ANXA1: variants seen among roughly 807,000 people sequenced by gnomAD.
ANXA1 encodes annexin I (lipocortin I).
Under a neutral mutation model 47.9 loss-of-function variants are expected in ANXA1, and 39 were observed. The observed-to-expected ratio is 0.81, with a 90% CI of 0.63 to 1.06. The LOEUF (loss-of-function observed/expected upper bound fraction) is 1.06. Among genes scored for constraint, ANXA1 ranks in the 50% least tolerant of loss-of-function variants. ANXA1 has a pLI of 0.00. For missense variants in ANXA1, 446 were observed against 422.7 expected (o/e 1.06, Z -0.48); for synonymous variants, 146 against 142.5 (o/e 1.02, Z -0.17).
intron 8 of ANXA1, 37 bp from the exon 9 acceptor site, chr9:73,165,079 C>G: frequency 6.7e-7 from 1 of 1,502,278 alleles, no homozygotes; most frequent in Non-Finnish European, 9.3e-7. Context: ...ATCATTTCAG[C>G]AGATAGTGAA....
chr9:73,158,166 T>G, intron 1 of ANXA1: 1 of 225,952 alleles, frequency 4.4e-6, no homozygotes, highest in South Asian at 6.2e-5. Context: ...GTACTCTTAG[T>G]GCTTGGCATA....
intron 1 of ANXA1, chr9:73,154,414 C>A (rs1442834334): frequency 3.0e-5 from 37 of 1,251,050 alleles, no homozygotes; most frequent in Non-Finnish European, 3.9e-5. Flanking sequence ...CCTTCTCTTT[C>A]TTTTCTTTTT....
chr9:73,169,268 A>T, intron 12 of ANXA1, 114 bp downstream of exon 12: 1 of 1,195,596 alleles, frequency 8.4e-7, no homozygotes, highest in South Asian at 1.7e-5. Flanking sequence ...AGATTAATTT[A>T]ATATATTATG....
intron 9 of ANXA1, 31 bp downstream of exon 9, chr9:73,165,240 T>C (rs1453623819): frequency 3.2e-6 from 5 of 1,560,544 alleles, no homozygotes; most frequent in Non-Finnish European, 3.5e-6. Context: ...CTGGAATCTG[T>C]TTATGGAAGA....
chr9:73,165,237 C>T, intron 9 of ANXA1, 28 bp downstream of exon 9: 1 of 1,581,342 alleles, frequency 6.3e-7, no homozygotes, highest in Non-Finnish European at 8.7e-7. Context: ...TTTCTGGAAT[C>T]TGTTTATGGA....
chr9:73,154,404 C>T (rs758690620), intron 1 of ANXA1: 10 of 1,271,464 alleles, frequency 7.9e-6, no homozygotes, highest in African/African-American at 1.5e-5. Flanking sequence ...TCCCTCCCTC[C>T]CTTCTCTTTC....
chr9:73,159,091 C>A (rs1824096200), intron 3 of ANXA1, among the ~76,000 whole-genome samples: 1 of 152,198 alleles, frequency 6.6e-6, no homozygotes, highest in African/African-American at 2.4e-5. Flanking sequence ...GTATCAAACA[C>A]TGCAACACTG....
chr9:73,162,904 G>T (rs1226050242), intron 7 of ANXA1, 43 bp downstream of exon 7: 4 of 1,484,134 alleles, frequency 2.7e-6, no homozygotes, highest in Non-Finnish European at 3.7e-6. Flanking sequence ...GTTTTATAAA[G>T]ACTAATTTCT....
chr9:73,169,262 T>G (rs1258067005), intron 12 of ANXA1, 108 bp downstream of exon 12: 31 of 1,213,622 alleles, frequency 2.6e-5, no homozygotes, highest in Non-Finnish European at 3.1e-5. Flanking sequence ...TATGTAAGAT[T>G]AATTTAATAT....
intron 6 of ANXA1, 34 bp from the exon 7 acceptor site, chr9:73,162,748 G>C: frequency 6.6e-7 from 1 of 1,513,300 alleles, no homozygotes. Context: ...TTCATCACTG[G>C]TTTACTATAA....
At chr9:73,166,813 C>T (rs914083196) in intron 10 of ANXA1, among the ~76,000 whole-genome samples, 5 of 152,056 alleles carry the variant, frequency 3.3e-5, no homozygotes, top group Non-Finnish European at 5.9e-5. Flanking sequence ...CTAACAAGCT[C>T]CCCATTGATG....
Position 73,165,156 on chromosome 9 carries a change from T to C in ANXA1, c.653T>C (p.Val218Ala). The C allele has an allele frequency of 6.2e-7, 1 of 1,612,866 alleles. No homozygotes were observed. The highest frequency in any genetic ancestry group is 8.5e-7 in the Non-Finnish European group (1 of 1,179,148). ...EAGERRKGTD[V>A]NVFNTILTTR... Reference sequence around the variant, plus strand: ...GGAGAAAGGAGAAAGGGGACAGACGTAAACGTGTTCAATACCATCCTTACC... The same window carrying C: ...GGAGAAAGGAGAAAGGGGACAGACGCAAACGTGTTCAATACCATCCTTACC... Residue 218 changes from valine (V) to alanine (A), a missense_variant, in exon 9 of 13, where the codon GTA becomes GCA. Val to Ala is a moderately conservative substitution (Grantham distance 64, BLOSUM62 0). Transcript: ENST00000257497.
intron 11 of ANXA1, 58 bp from the exon 12 acceptor site, chr9:73,168,972 ATG>A: frequency 6.5e-7 from 1 of 1,530,884 alleles, no homozygotes; most frequent in Non-Finnish European, 8.8e-7. Flanking sequence ...TTTAAAATTC[ATG>A]TTTTTAATGA....
intron 1 of ANXA1, chr9:73,158,186 G>T (rs955201021): frequency 1.4e-4 from 33 of 243,474 alleles, no homozygotes; most frequent in African/African-American, 7.4e-4. Context: ...ATGGTGGGTG[G>T]TCTACAAATT....
chr9:73,169,654 G>T (rs991670918), intron 12 of ANXA1, among the ~76,000 whole-genome samples: 1 of 151,944 alleles, frequency 6.6e-6, no homozygotes, highest in Non-Finnish European at 1.5e-5. Context: ...TAGTCATATT[G>T]GATAACTAAA....
chr9:73,157,511 G>C (rs1331822542), intron 1 of ANXA1: 1 of 151,656 alleles, frequency 6.6e-6, no homozygotes, highest in African/African-American at 2.4e-5. Context: ...AAAATTAGCC[G>C]GGCGTGGTGG....
intron 11 of ANXA1, chr9:73,168,809 T>C (rs547778101): frequency 1.4e-4 from 51 of 352,432 alleles, no homozygotes; most frequent in African/African-American, 8.3e-4. Flanking sequence ...AGTTAGGAAG[T>C]TGTGACAGCT....
chr9:73,152,307 G>A (rs550208727), intron 1 of ANXA1, among the ~76,000 whole-genome samples: 16 of 152,166 alleles, frequency 1.1e-4, no homozygotes, highest in East Asian at 5.8e-4. Flanking sequence ...CAGAGAAATC[G>A]TGATGGGGGC....
At chr9:73,154,215 C>T (rs1824012362) in intron 1 of ANXA1, 1 of 965,484 alleles carries the variant, frequency 1.0e-6, no homozygotes, top group African/African-American at 1.7e-5. Flanking sequence ...GTGGGAAGGA[C>T]TTGTGAAATA....
Sources: allele counts gnomAD v4.1 joint callset (sites outside exome capture counted in the v4.1 genomes callset), GRCh38; gene constraint gnomAD v4.1.1; transcripts MANE v1.5; gene names NCBI Gene and HGNC (gene_info 2026-07-23, HGNC 2026-07-21).